The following PLEKHD1 variants were observed in gnomAD, a reference collection of about 807,000 sequenced individuals.
The protein encoded by PLEKHD1 is pleckstrin homology and coiled-coil domain containing D1.
PLEKHD1 carries 51 observed loss-of-function variants against 69.2 expected under a neutral mutation model. That is an observed-to-expected ratio of 0.74 (90% CI 0.59 to 0.93). The LOEUF is 0.93. PLEKHD1 is among the 40% of genes least tolerant of loss of function. The pLI is 0.00. For missense variants in PLEKHD1, 584 were observed against 641.0 expected, an observed-to-expected ratio of 0.91 and a Z score of 0.96; for synonymous variants, 236 against 244.7, an observed-to-expected ratio of 0.96 and a Z score of 0.33.
At chr14:69,509,727 C>T (rs1883228619) in intron 6 of PLEKHD1, among the ~76,000 whole-genome samples, 1 of 152,092 alleles carries the variant, frequency 6.6e-6, no homozygotes, top group African/African-American at 2.4e-5. Context: ...CACCTGAGGT[C>T]AGGAGTTCGA....
rs529840558 is a variant in PLEKHD1 at position 69,500,453 on chromosome 14, G to C, written c.244-124G>C. The C allele has an allele frequency of 7.2e-5, 57 of 788,160 alleles. No homozygotes were observed. In the African/African-American group the frequency reaches 9.4e-4, roughly 13 times the overall value. 48.8% of individuals were successfully genotyped at this position (788,160 alleles called of 1,614,324 possible). A position where few individuals can be genotyped will look rare whatever the true frequency, so the allele number is the denominator to read the frequency against. Reference sequence around the variant, plus strand: ...CATCAGTTCTGGCCTCTGTCCCATGGCCCCAGGGTCTAGCTTCCATCCTGG... The same window carrying C: ...CATCAGTTCTGGCCTCTGTCCCATGCCCCCAGGGTCTAGCTTCCATCCTGG... On this transcript the variant is annotated intron_variant, in intron 2 of 12. Coordinates refer to ENST00000322564, the MANE Select transcript of PLEKHD1 (RefSeq NM_001161498.2).
At chr14:69,471,414 C>A in the PLEKHD1 span, among the ~76,000 whole-genome samples, 1 of 152,078 alleles carries the variant, frequency 6.6e-6, no homozygotes, top group Non-Finnish European at 1.5e-5. Context: ...CCTGGCTCAT[C>A]CCCACTTTCA....
intron 6 of PLEKHD1, among the ~76,000 whole-genome samples, chr14:69,509,804 G>T (rs918357135): frequency 6.6e-6 from 1 of 152,072 alleles, no homozygotes; most frequent in Non-Finnish European, 1.5e-5. Flanking sequence ...CAGGCGTGGT[G>T]GCGGGCGCCT....
At chr14:69,502,281 T>C (rs1883046007) in intron 5 of PLEKHD1, 5 of 184,892 alleles carry the variant, frequency 2.7e-5, no homozygotes, top group Admixed American at 2.7e-4. Flanking sequence ...GTCTGGCTTG[T>C]CCCCAGTACC....
Position 69,528,672 on chromosome 14 carries a change from C to A in PLEKHD1, c.*253C>A. The A allele has an allele frequency of 1.8e-6, 1 of 545,376 alleles. No homozygotes were observed. The highest frequency in any genetic ancestry group is 3.3e-6 in the Non-Finnish European group (1 of 306,690). The allele number at this position is 545,376 out of a possible 1,614,324, so 33.8% of individuals were successfully genotyped here. A position where few individuals can be genotyped will look rare whatever the true frequency, so the allele number is the denominator to read the frequency against. ...CAGGCCTGAGCTGGGTGCTGGTTGT[C>A]ATGGTGAGGTGAGGACAGGACCTGG... On this transcript the variant is annotated 3_prime_UTR_variant, in exon 13 of 13. Coordinates refer to ENST00000322564, the MANE Select transcript of PLEKHD1 (RefSeq NM_001161498.2).
chr14:69,496,967 G>A (rs576254551), intron 1 of PLEKHD1, among the ~76,000 whole-genome samples: 2 of 152,228 alleles, frequency 1.3e-5, no homozygotes, highest in South Asian at 4.1e-4. Flanking sequence ...CACATGTGGG[G>A]TTAGGGCTTG....
chr14:69,500,989 T>C (rs778612677), intron 4 of PLEKHD1, 42 bp downstream of exon 4: 1 of 1,543,812 alleles, frequency 6.5e-7, no homozygotes, highest in African/African-American at 1.4e-5. Flanking sequence ...AGATCCAGGA[T>C]GGGGTGGGCG....
intron 6 of PLEKHD1, 46 bp from the exon 7 acceptor site, chr14:69,522,237 T>G (rs10146531): frequency 1 from 1,524,775 of 1,527,762 alleles, 760,930 homozygotes; most frequent in Non-Finnish European, 1. Context: ...GATCTCAGGG[T>G]TCCTTTGCTG....
At chr14:69,497,953 G>A (rs980650603) in intron 1 of PLEKHD1, among the ~76,000 whole-genome samples, 5 of 152,162 alleles carry the variant, frequency 3.3e-5, no homozygotes, top group African/African-American at 2.4e-5. Context: ...TTGAGAGGCC[G>A]AGGCAGGAGG....
At chr14:69,510,847 G>T (rs759867855) in intron 6 of PLEKHD1, among the ~76,000 whole-genome samples, 91 of 152,166 alleles carry the variant, frequency 6.0e-4, no homozygotes, top group Non-Finnish European at 1.2e-3. Flanking sequence ...ATCTTATCAG[G>T]CAAGCTTCTA....
intron 6 of PLEKHD1, among the ~76,000 whole-genome samples, chr14:69,505,998 A>C (rs1037816880): frequency 1.3e-5 from 2 of 152,232 alleles, no homozygotes; most frequent in African/African-American, 2.4e-5. Flanking sequence ...GAGAAAAATC[A>C]GAAATGCCCA....
intron 4 of PLEKHD1, 53 bp downstream of exon 4, chr14:69,501,000 G>T: frequency 6.6e-7 from 1 of 1,518,088 alleles, no homozygotes. Context: ...GGGGTGGGCG[G>T]GGCTGCCCCT....
At chr14:69,525,688 C>T (rs2236300) in intron 8 of PLEKHD1, among the ~76,000 whole-genome samples, 105,958 of 151,924 alleles carry the variant, frequency 0.7, 38,218 homozygotes, top group Admixed American at 0.81. Context: ...GAAGATCATG[C>T]GACCCCGTTC....
intron 5 of PLEKHD1, chr14:69,502,441 G>A (rs1170712199): frequency 3.4e-5 from 9 of 263,850 alleles, no homozygotes; most frequent in Non-Finnish European, 6.7e-5. Context: ...TTAGACACTT[G>A]GGGCCCCAGC....
At chr14:69,494,390 G>A (rs2064628212) in intron 1 of PLEKHD1, among the ~76,000 whole-genome samples, 1 of 152,166 alleles carries the variant, frequency 6.6e-6, no homozygotes, top group Non-Finnish European at 1.5e-5. Flanking sequence ...GGAGCTGGAT[G>A]GAGCAGCTCC....
At chr14:69,503,228 A>C (rs1018731662) in intron 6 of PLEKHD1, 2 of 305,130 alleles carry the variant, frequency 6.6e-6, no homozygotes, top group Non-Finnish European at 1.3e-5. Context: ...ATAGAGGGCT[A>C]TCTGGCACCT....
rs1448331793 is a variant in PLEKHD1, at chr14:69,528,462, G to A, written c.*43G>A. ...CTTCCCAAGTCTCCCCTGGATGGGC[G>A]GGGGAGGGGAAGGGGTGGCAGAGGG... On this transcript the variant is annotated 3_prime_UTR_variant, in exon 13 of 13. Coordinates refer to ENST00000322564, the MANE Select transcript of PLEKHD1 (RefSeq NM_001161498.2). 37 of 1,535,466 alleles carry A rather than the reference G, an allele frequency of 2.4e-5. No homozygotes were observed. Among genetic ancestry groups the A allele is most frequent in the South Asian group, 6.0e-5 (5 of 82,784 alleles).
intron 6 of PLEKHD1, among the ~76,000 whole-genome samples, chr14:69,513,953 G>A (rs1883326638): frequency 1.3e-5 from 2 of 152,152 alleles, no homozygotes; most frequent in South Asian, 4.2e-4. Flanking sequence ...GAAGCCAGAT[G>A]TAATTCTTAT....
At chr14:69,520,166 CAAAAAAAAAAAAAAAAAA>C (rs761343645) in intron 6 of PLEKHD1, among the ~76,000 whole-genome samples, 1 of 20,508 alleles carries the variant, frequency 4.9e-5, no homozygotes, top group Non-Finnish European at 9.8e-5. Context: ...GACTCTGTCT[CAAAAAAAAAAAAAAAAAA>C]AAAAAAAAAA....
Sources: allele counts gnomAD v4.1 joint callset (sites outside exome capture counted in the v4.1 genomes callset), GRCh38; gene constraint gnomAD v4.1.1; transcripts MANE v1.5; gene names NCBI Gene and HGNC (gene_info 2026-07-23, HGNC 2026-07-21).